The following KCNQ5 variants were observed in gnomAD, a reference collection of about 807,000 sequenced individuals.
KCNQ5 encodes potassium voltage-gated channel subfamily Q member 5, also known as potassium voltage-gated channel subfamily KQT member 5.
A neutral mutation model predicts 98.2 loss-of-function variants in KCNQ5; 30 were observed. The ratio of observed to expected loss-of-function variants is 0.31; its 90% CI spans 0.23 to 0.41. The LOEUF (loss-of-function observed/expected upper bound fraction) is 0.41, where lower values mean the gene tolerates loss of function less well. Among genes scored for constraint, KCNQ5 ranks in the 10% least tolerant of loss-of-function variants. The probability of loss-of-function intolerance (pLI) is 1.00; values close to 1 mark genes in which losing one functional copy is unlikely to be tolerated. For missense variants in KCNQ5, 835 were observed against 1,182.5 expected, an observed-to-expected ratio of 0.71 and a Z score of 4.31; for synonymous variants, 458 against 449.4, an observed-to-expected ratio of 1.02 and a Z score of -0.24.
chr6:72,630,001 A>G (rs2154471514), intron 1 of KCNQ5, among the ~76,000 whole-genome samples: 1 of 152,340 alleles, frequency 6.6e-6, no homozygotes, highest in Non-Finnish European at 1.5e-5. Context: ...ACTTAAAAAT[A>G]GCTTGAAGTT....
At chr6:72,638,187 A>G (rs1042761316) in intron 1 of KCNQ5, among the ~76,000 whole-genome samples, 15 of 152,218 alleles carry the variant, frequency 9.9e-5, no homozygotes, top group African/African-American at 2.7e-4. Context: ...TGGTTGGGCC[A>G]TGCTTCAGTA....
At chr6:73,030,470 A>G (rs1227368457) in intron 2 of KCNQ5, among the ~76,000 whole-genome samples, 2 of 152,208 alleles carry the variant, frequency 1.3e-5, no homozygotes, top group African/African-American at 4.8e-5. Flanking sequence ...TCACCAAAGG[A>G]TATTACTCAT....
intron 1 of KCNQ5, among the ~76,000 whole-genome samples, chr6:72,913,581 G>C (rs1338777893): frequency 6.6e-6 from 1 of 152,162 alleles, no homozygotes; most frequent in African/African-American, 2.4e-5. Context: ...TCATTCCAAG[G>C]CATTACCACA....
chr6:73,042,157 CATCCATGGAGTACTT>C, intron 3 of KCNQ5, 95 bp downstream of exon 3: 1 of 1,446,854 alleles, frequency 6.9e-7, no homozygotes, highest in Non-Finnish European at 9.7e-7. Context: ...TAAAAGCTAA[CATCCATGGAGTACTT>C]ATCATGGACC....
chr6:73,100,594 G>T (rs1306822503), intron 5 of KCNQ5, among the ~76,000 whole-genome samples: 1 of 151,816 alleles, frequency 6.6e-6, no homozygotes, highest in Non-Finnish European at 1.5e-5. Context: ...GCGTGAACCC[G>T]GGAGGCGGAG....
chr6:72,831,606 C>T (rs1776273437), intron 1 of KCNQ5, among the ~76,000 whole-genome samples: 1 of 151,278 alleles, frequency 6.6e-6, no homozygotes, highest in African/African-American at 2.4e-5. Flanking sequence ...GGAGGGAAAG[C>T]AGTAGGAGAT....
intron 11 of KCNQ5, among the ~76,000 whole-genome samples, chr6:73,188,092 G>A (rs1355732250): frequency 2.0e-5 from 3 of 152,146 alleles, no homozygotes; most frequent in Non-Finnish European, 4.4e-5. Context: ...TACCACCATA[G>A]GAAAGAAAGA....
chr6:72,981,813 T>G (rs191846204), intron 1 of KCNQ5, among the ~76,000 whole-genome samples: 24 of 152,360 alleles, frequency 1.6e-4, no homozygotes, highest in African/African-American at 5.5e-4. Context: ...TAAATTTCCC[T>G]CTACACACTG....
intron 1 of KCNQ5, among the ~76,000 whole-genome samples, chr6:72,794,350 A>G (rs1189211416): frequency 1.3e-5 from 2 of 151,994 alleles, no homozygotes; most frequent in Admixed American, 6.6e-5. Context: ...GGAGAGAGAA[A>G]AAAAAAAAAA....
chr6:72,628,979 T>C (rs1267175087), intron 1 of KCNQ5, among the ~76,000 whole-genome samples: 1 of 152,096 alleles, frequency 6.6e-6, no homozygotes, highest in Non-Finnish European at 1.5e-5. Flanking sequence ...AGGATCTGTT[T>C]ATTGCTTGTC....
chr6:72,652,107 G>A (rs1331847861), intron 1 of KCNQ5, among the ~76,000 whole-genome samples: 1 of 151,402 alleles, frequency 6.6e-6, no homozygotes, highest in Non-Finnish European at 1.5e-5. Flanking sequence ...ATCTTTCATG[G>A]GATCTATATC....
intron 8 of KCNQ5, among the ~76,000 whole-genome samples, chr6:73,122,187 TTCTTG>T (rs1204374089): frequency 2.0e-5 from 3 of 152,194 alleles, no homozygotes; most frequent in African/African-American, 7.2e-5. Context: ...GAAATTGTAT[TTCTTG>T]TCTTCATGAA....
chr6:73,156,031 A>G (rs1777349072), intron 10 of KCNQ5, among the ~76,000 whole-genome samples: 1 of 152,180 alleles, frequency 6.6e-6, no homozygotes, highest in Non-Finnish European at 1.5e-5. Context: ...ATCAGGGCCC[A>G]AGCAGTTACT....
At chr6:72,958,623 A>G (rs1285737185) in intron 1 of KCNQ5, among the ~76,000 whole-genome samples, 1 of 152,246 alleles carries the variant, frequency 6.6e-6, no homozygotes, top group East Asian at 1.9e-4. Flanking sequence ...GGTAAAACAG[A>G]ATATGAAAAC....
intron 2 of KCNQ5, among the ~76,000 whole-genome samples, chr6:73,023,748 A>G (rs1234805358): frequency 3.3e-5 from 5 of 152,160 alleles, no homozygotes; most frequent in African/African-American, 1.2e-4. Context: ...GTGCTCTGGG[A>G]TGATGGAAGC....
At chr6:72,662,400 C>G (rs745555060) in intron 1 of KCNQ5, among the ~76,000 whole-genome samples, 3 of 152,010 alleles carry the variant, frequency 2.0e-5, no homozygotes, top group Admixed American at 6.6e-5. Flanking sequence ...TCTAGCCAAT[C>G]AGAAATGTGG....
intron 3 of KCNQ5, among the ~76,000 whole-genome samples, chr6:73,073,925 A>T (rs7742112): frequency 0.15 from 23,296 of 152,122 alleles, 3,379 homozygotes; most frequent in African/African-American, 0.39. Context: ...ACTCTAATGG[A>T]TGATAGCTAT....
intron 1 of KCNQ5, among the ~76,000 whole-genome samples, chr6:72,704,525 G>A (rs1173136152): frequency 2.0e-5 from 3 of 151,358 alleles, no homozygotes; most frequent in African/African-American, 7.3e-5. Context: ...CATGATATAT[G>A]AAATATTTTG....
intron 3 of KCNQ5, among the ~76,000 whole-genome samples, chr6:73,065,049 G>A (rs1194606626): frequency 7.5e-5 from 11 of 146,842 alleles, no homozygotes; most frequent in Non-Finnish European, 7.5e-5. Context: ...CCTGTAGCAT[G>A]AGAAAAAAAA....
Sources: gnomAD v4.1 joint callset for allele counts (sites outside exome capture counted in the v4.1 genomes callset) on GRCh38, gnomAD v4.1.1 for gene constraint, MANE v1.5 for transcripts, NCBI Gene and HGNC (gene_info 2026-07-23, HGNC 2026-07-21) for gene names.